Variants in PSD3 observed in about 807,000 individuals in gnomAD.
The protein encoded by PSD3 is PH and SEC7 domain-containing protein 3.
PSD3 carries 49 observed loss-of-function variants against 105.5 expected under a neutral mutation model. The ratio of observed to expected loss-of-function variants is 0.46; its 90% CI spans 0.37 to 0.59. The LOEUF (loss-of-function observed/expected upper bound fraction) is 0.59. Ranked by LOEUF, PSD3 falls within the 20% of genes least tolerant of loss-of-function variation. The pLI, the probability that PSD3 is intolerant of heterozygous loss-of-function variation, is 0.00. For synonymous variants in PSD3, 557 were observed against 457.8 expected (o/e 1.22, Z -2.77); for missense variants, 1,561 against 1,263.8 (o/e 1.24, Z -3.57).
chr8:19,054,621 G>A (rs1047425626), intron 1 of PSD3, among the ~76,000 whole-genome samples: 1 of 152,004 alleles, frequency 6.6e-6, no homozygotes, highest in African/African-American at 2.4e-5. Context: ...ATCTACCTTT[G>A]GATATCTGCC....
intron 2 of PSD3, among the ~76,000 whole-genome samples, chr8:18,903,569 G>A (rs1819650090): frequency 6.6e-6 from 1 of 152,176 alleles, no homozygotes; most frequent in Non-Finnish European, 1.5e-5. Flanking sequence ...ATAGGCCAGT[G>A]TGTCTCAGCT....
chr8:19,017,601 T>C (rs907088672), upstream of PSD3, among the ~76,000 whole-genome samples: 2 of 152,232 alleles, frequency 1.3e-5, no homozygotes, highest in Admixed American at 6.5e-5. Flanking sequence ...AACACTAATT[T>C]ACTTTCTGTT....
intron 9 of PSD3, among the ~76,000 whole-genome samples, chr8:18,703,318 A>G (rs1801699257): frequency 6.6e-6 from 1 of 152,208 alleles, no homozygotes; most frequent in African/African-American, 2.4e-5. Context: ...TGATGAACCA[A>G]TGTCTCAGCA....
At chr8:18,833,538 G>A (rs985918325) in intron 4 of PSD3, among the ~76,000 whole-genome samples, 2 of 152,228 alleles carry the variant, frequency 1.3e-5, no homozygotes, top group African/African-American at 4.8e-5. Context: ...ATAAATGAGT[G>A]AAATTTTAAG....
chr8:18,809,714 A>G (rs144264074), intron 4 of PSD3, among the ~76,000 whole-genome samples: 106 of 152,258 alleles, frequency 7.0e-4, no homozygotes, highest in Non-Finnish European at 1.3e-3. Flanking sequence ...ATGATTGCCA[A>G]CTGGTAGCTT....
chr8:18,851,878 C>T (rs138383801), intron 4 of PSD3, among the ~76,000 whole-genome samples: 8 of 152,240 alleles, frequency 5.3e-5, no homozygotes, highest in East Asian at 1.9e-4. Context: ...GAACTTTTAC[C>T]GTTGGCATTG....
At chr8:18,942,946 G>A (rs1822643761) in intron 1 of PSD3, among the ~76,000 whole-genome samples, 1 of 152,198 alleles carries the variant, frequency 6.6e-6, no homozygotes, top group African/African-American at 2.4e-5. Flanking sequence ...GTCTGGATGA[G>A]AAGGTATATC....
chr8:18,979,170 T>TGG (rs140513415), intron 1 of PSD3, among the ~76,000 whole-genome samples: 1 of 151,318 alleles, frequency 6.6e-6, no homozygotes, highest in Admixed American at 6.6e-5. Context: ...ACCAAGACAC[T>TGG]GGGGGGCGGC....
intron 14 of PSD3, 30 bp from the exon 15 acceptor site, chr8:18,556,382 T>TTAA: frequency 4.5e-6 from 7 of 1,563,890 alleles, no homozygotes; most frequent in Non-Finnish European, 6.0e-6. Context: ...CATTTAGCGT[T>TTAA]CAAAAAAAAA....
At chr8:18,959,087 A>T (rs1028631131) in intron 1 of PSD3, among the ~76,000 whole-genome samples, 6 of 151,868 alleles carry the variant, frequency 4.0e-5, no homozygotes, top group Non-Finnish European at 8.8e-5. Flanking sequence ...CGCTCAGCTA[A>T]TTTTTGTATT....
At chr8:18,674,446 C>G (rs114422623) in intron 9 of PSD3, among the ~76,000 whole-genome samples, 3,741 of 152,278 alleles carry the variant, frequency 0.025, 133 homozygotes, top group African/African-American at 0.084. Flanking sequence ...AATCCTCTCT[C>G]ATTCTTTGGG....
intron 9 of PSD3, among the ~76,000 whole-genome samples, chr8:18,712,134 G>T (rs915153667): frequency 1.3e-5 from 2 of 152,072 alleles, no homozygotes; most frequent in Non-Finnish European, 2.9e-5. Flanking sequence ...AATGTTAAGA[G>T]GGACATTTAC....
intron 12 of PSD3, among the ~76,000 whole-genome samples, chr8:18,593,170 A>T (rs1803739444): frequency 6.6e-6 from 1 of 152,084 alleles, no homozygotes; most frequent in Non-Finnish European, 1.5e-5. Flanking sequence ...AGAAACTACC[A>T]TCAGAGTGAA....
rs192994945 is a variant in PSD3 at position 18,652,629 on chromosome 8, C to G, written c.2216+3013G>C. 1.0e-3 allele frequency among the ~76,000 whole-genome samples: 154 copies of G among 150,782 alleles called. 1 individual carries two copies. Among genetic ancestry groups the G allele is most frequent in the African/African-American group, 3.7e-3 (150 of 41,024 alleles). ...TCTCCCGCCTCAGCCTCCTGAGTAG[C>G]TGGGATTACAAGTGCACGCCACCAC... On this transcript the variant is annotated intron_variant, in intron 10 of 15. Coordinates refer to ENST00000327040, the MANE Select transcript of PSD3 (RefSeq NM_015310.4).
chr8:18,974,940 G>C (rs1045410688), intron 1 of PSD3, among the ~76,000 whole-genome samples: 2 of 152,186 alleles, frequency 1.3e-5, no homozygotes, highest in African/African-American at 2.4e-5. Flanking sequence ...TCCTTGACCA[G>C]AAGGGAAGCA....
chr8:18,971,236 G>A (rs1356014612), intron 1 of PSD3, among the ~76,000 whole-genome samples: 1 of 152,144 alleles, frequency 6.6e-6, no homozygotes, highest in East Asian at 1.9e-4. Context: ...GTTTGGGGAA[G>A]CTCCCTGTCT....
intron 12 of PSD3, among the ~76,000 whole-genome samples, chr8:18,593,846 C>T (rs1428655644): frequency 6.6e-6 from 1 of 150,956 alleles, no homozygotes; most frequent in Non-Finnish European, 1.5e-5. Context: ...AAGCTGGAAA[C>T]CATCATTCTC....
intron 4 of PSD3, among the ~76,000 whole-genome samples, chr8:18,831,092 C>T (rs1264070840): frequency 8.0e-6 from 1 of 125,160 alleles, no homozygotes; most frequent in African/African-American, 4.7e-5. Flanking sequence ...TGCTTCTGTG[C>T]CTCAGTTTGC....
intron 1 of PSD3, among the ~76,000 whole-genome samples, chr8:18,973,840 CT>C (rs1824785440): frequency 6.6e-6 from 1 of 152,190 alleles, no homozygotes; most frequent in Non-Finnish European, 1.5e-5. Flanking sequence ...TTACTAAGGA[CT>C]TACTATGAAC....
Sources: gnomAD v4.1 joint callset for allele counts (sites outside exome capture counted in the v4.1 genomes callset) on GRCh38, gnomAD v4.1.1 for gene constraint, MANE v1.5 for transcripts, NCBI Gene and HGNC (gene_info 2026-07-23, HGNC 2026-07-21) for gene names.